Variants in CACNA1E observed in about 807,000 individuals in gnomAD.
The protein encoded by CACNA1E is calcium voltage-gated channel subunit alpha1 E.
CACNA1E carries 40 observed loss-of-function variants against 259.2 expected under a neutral mutation model. The observed-to-expected ratio is 0.15, with a 90% CI of 0.12 to 0.20. The LOEUF (loss-of-function observed/expected upper bound fraction) is 0.20. Among genes scored for constraint, CACNA1E ranks in the 10% least tolerant of loss-of-function variants. The probability of loss-of-function intolerance (pLI) is 1.00; values close to 1 mark genes in which losing one functional copy is unlikely to be tolerated. For missense variants in CACNA1E, 1,874 were observed against 3,040.1 expected, an observed-to-expected ratio of 0.62 and a Z score of 9.02; for synonymous variants, 1,104 against 1,138.5, an observed-to-expected ratio of 0.97 and a Z score of 0.61.
chr1:181,425,667 C>T (rs1243829383), intron 2 of CACNA1E, among the ~76,000 whole-genome samples: 1 of 151,344 alleles, frequency 6.6e-6, no homozygotes, highest in Non-Finnish European at 1.5e-5. Flanking sequence ...AGGAGGTGGG[C>T]GTGGGGCACC....
At chr1:181,759,269 T>C (rs1658364340) in intron 32 of CACNA1E, among the ~76,000 whole-genome samples, 1 of 152,208 alleles carries the variant, frequency 6.6e-6, no homozygotes, top group African/African-American at 2.4e-5. Context: ...GCCTCAAACA[T>C]AGCAAATAAT....
intron 38 of CACNA1E, among the ~76,000 whole-genome samples, chr1:181,777,945 G>T (rs765687727): frequency 1.3e-5 from 2 of 152,182 alleles, no homozygotes; most frequent in Non-Finnish European, 2.9e-5. Flanking sequence ...AGAAACCCCA[G>T]CTTCTTGTGG....
intron 3 of CACNA1E, among the ~76,000 whole-genome samples, chr1:181,515,033 C>A (rs1326998229): frequency 6.6e-6 from 1 of 152,152 alleles, no homozygotes; most frequent in Non-Finnish European, 1.5e-5. Context: ...GGACTTGAGA[C>A]CACATCTCCT....
chr1:181,452,713 A>G (rs918701926), intron 2 of CACNA1E, among the ~76,000 whole-genome samples: 2 of 152,146 alleles, frequency 1.3e-5, no homozygotes, highest in African/African-American at 4.8e-5. Flanking sequence ...CCTCCTCCGA[A>G]GTTGGTGTGA....
intron 16 of CACNA1E, among the ~76,000 whole-genome samples, chr1:181,723,492 C>T (rs11811825): frequency 7.9e-5 from 12 of 152,112 alleles, no homozygotes; most frequent in African/African-American, 2.7e-4. Flanking sequence ...TTTTTACTCA[C>T]CAACAAGCAA....
At chr1:181,749,551 G>A (rs955737310) in intron 25 of CACNA1E, among the ~76,000 whole-genome samples, 9 of 152,230 alleles carry the variant, frequency 5.9e-5, no homozygotes, top group South Asian at 2.1e-4. Flanking sequence ...AGCTGATGTC[G>A]GGCACTCAAC....
At chr1:181,709,107 A>G (rs1653080425) in intron 7 of CACNA1E, among the ~76,000 whole-genome samples, 1 of 152,226 alleles carries the variant, frequency 6.6e-6, no homozygotes, top group South Asian at 2.1e-4. Flanking sequence ...CAATGGTACT[A>G]ACTGGACAGG....
At position 181,726,074 on chromosome 1, in the gene CACNA1E, G is replaced by C. The variant is rs757343825; in HGVS notation, c.2152G>C (p.Glu718Gln). 1 of 1,611,508 alleles carries C rather than the reference G, an allele frequency of 6.2e-7. No individual in the cohort carries two copies. The highest frequency in any genetic ancestry group is 1.1e-5 in the South Asian group (1 of 90,416). Residue 718 changes from glutamate to glutamine, a missense_variant, in exon 18 of 48, where the codon GAG becomes CAG. Physicochemically the swap from Glu to Gln is conservative, Grantham distance 29 (BLOSUM62 2). Transcript: ENST00000367573. ...TCTGCTTTGTGTCTAGGATGAACAGGAGGAAGAAGAGGCCTTCAACCAGAA... is the reference window on the plus strand; with the variant it reads ...TCTGCTTTGTGTCTAGGATGAACAGCAGGAAGAAGAGGCCTTCAACCAGAA... The part of the protein sequence containing the change: ...NAQELTKDEQ[E>Q]EEEAFNQKHA...
chr1:181,456,495 C>T (rs1362558140), intron 2 of CACNA1E, among the ~76,000 whole-genome samples: 1 of 152,148 alleles, frequency 6.6e-6, no homozygotes, highest in East Asian at 1.9e-4. Context: ...TGCTTGGTGT[C>T]TTCAATCTTT....
chr1:181,790,290 CTTTTT>C (rs33973972), intron 43 of CACNA1E, among the ~76,000 whole-genome samples, 150 bp from the exon 44 acceptor site: 1 of 115,326 alleles, frequency 8.7e-6, no homozygotes, highest in Non-Finnish European at 1.8e-5. Flanking sequence ...TCTTCTAGTG[CTTTTT>C]TTTTTTTTTT....
intron 7 of CACNA1E, among the ~76,000 whole-genome samples, chr1:181,677,495 G>A (rs762972244): frequency 4.6e-5 from 7 of 152,118 alleles, no homozygotes; most frequent in Non-Finnish European, 8.8e-5. Context: ...TTATATCGCA[G>A]GTCAGTTGGA....
At chr1:181,756,705 C>T (rs1658118096) in intron 29 of CACNA1E, among the ~76,000 whole-genome samples, 1 of 152,132 alleles carries the variant, frequency 6.6e-6, no homozygotes, top group African/African-American at 2.4e-5. Context: ...AATGGTGTCC[C>T]TCTGTTGCTT....
At position 181,790,431 on chromosome 1, in the gene CACNA1E, A is replaced by G; in HGVS notation, c.5787-14A>G. 6.5e-7 allele frequency: 1 copy of G among 1,537,004 alleles called. No individual in the cohort carries two copies. The highest frequency in any genetic ancestry group is 9.0e-7 in the Non-Finnish European group (1 of 1,109,618). ...CTGTCCCTCATTACCTCTGGATTTGACATTGCTTTTCAGGAGTGGCCGGAG... is the reference window on the plus strand; with the variant it reads ...CTGTCCCTCATTACCTCTGGATTTGGCATTGCTTTTCAGGAGTGGCCGGAG... On this transcript the variant is annotated splice_polypyrimidine_tract_variant and intron_variant, in intron 43 of 47. Transcript: ENST00000367573.
intron 3 of CACNA1E, among the ~76,000 whole-genome samples, chr1:181,524,267 T>G (rs1301548695): frequency 6.6e-6 from 1 of 152,230 alleles, no homozygotes; most frequent in African/African-American, 2.4e-5. Context: ...AAATTGTGGA[T>G]AAAGTGAAAT....
chr1:181,363,363 G>A (rs750019166), intron 1 of CACNA1E, among the ~76,000 whole-genome samples: 5 of 152,230 alleles, frequency 3.3e-5, no homozygotes, highest in Non-Finnish European at 7.3e-5. Flanking sequence ...GCATGGCTAA[G>A]GAAGGAAGTA....
At chr1:181,750,511 A>G (rs1258954960) in intron 26 of CACNA1E, 24 bp downstream of exon 26, 1 of 1,609,114 alleles carries the variant, frequency 6.2e-7, no homozygotes, top group East Asian at 2.2e-5. Context: ...ATTATCTTTG[A>G]AGTAAACGAT....
intron 3 of CACNA1E, among the ~76,000 whole-genome samples, chr1:181,541,197 C>T (rs753264450): frequency 4.6e-4 from 70 of 152,152 alleles, no homozygotes; most frequent in African/African-American, 1.4e-3. Context: ...CTCCACTACG[C>T]GGGCAAAATA....
chr1:181,401,549 A>C (rs1179650742), intron 1 of CACNA1E, among the ~76,000 whole-genome samples: 2 of 152,228 alleles, frequency 1.3e-5, no homozygotes, highest in African/African-American at 2.4e-5. Flanking sequence ...ACTTTAAAAA[A>C]AGCTTGAAGA....
At chr1:181,545,816 T>G (rs1293339876) in intron 3 of CACNA1E, among the ~76,000 whole-genome samples, 2 of 152,148 alleles carry the variant, frequency 1.3e-5, no homozygotes, top group African/African-American at 4.8e-5. Flanking sequence ...GGAAAGATGA[T>G]TTATTTTTTT....
Sources: gnomAD v4.1 joint callset for allele counts (sites outside exome capture counted in the v4.1 genomes callset) on GRCh38, gnomAD v4.1.1 for gene constraint, MANE v1.5 for transcripts, NCBI Gene and HGNC (gene_info 2026-07-23, HGNC 2026-07-21) for gene names.